Variants in CDH2 observed in about 807,000 individuals in gnomAD.
CDH2 encodes cadherin-2.
In CDH2, 17 loss-of-function variants were observed where a neutral mutation model predicts 92.0. The observed-to-expected ratio is 0.18, with a 90% CI of 0.13 to 0.28. CDH2 has a LOEUF of 0.28. CDH2 is among the 10% of genes least tolerant of loss of function. CDH2 has a pLI of 1.00. For missense variants in CDH2, 862 were observed against 1,133.1 expected, an observed-to-expected ratio of 0.76 and a Z score of 3.44; for synonymous variants, 419 against 415.9, an observed-to-expected ratio of 1.01 and a Z score of -0.09.
At chr18:27,933,415 TG>T (rs1284107049) in intron 6 of CDH2, among the ~76,000 whole-genome samples, 49 of 152,316 alleles carry the variant, frequency 3.2e-4, no homozygotes, top group African/African-American at 1.2e-3. Context: ...AGGTATGTTG[TG>T]AAATAATTGT....
intron 1 of CDH2, among the ~76,000 whole-genome samples, chr18:28,160,902 C>A (rs2016296996): frequency 6.6e-6 from 1 of 152,176 alleles, no homozygotes; most frequent in Non-Finnish European, 1.5e-5. Context: ...AGAAAGCTGG[C>A]ATCTGAGATA....
chr18:28,011,102 A>C (rs924829069), intron 4 of CDH2, among the ~76,000 whole-genome samples: 4 of 151,920 alleles, frequency 2.6e-5, no homozygotes, highest in Non-Finnish European at 4.4e-5. Flanking sequence ...GCTTATTTTA[A>C]AAAAAAGGCT....
chr18:28,045,982 C>T (rs1054456531), intron 2 of CDH2, among the ~76,000 whole-genome samples: 3 of 152,188 alleles, frequency 2.0e-5, no homozygotes, highest in African/African-American at 7.2e-5. Context: ...AGTAACTGTT[C>T]ATCTTTATGA....
rs570116567 is a variant in CDH2 at position 27,972,871 on chromosome 18, C to T, written c.2350-9350G>A. Among the ~76,000 whole-genome samples, 19 of 152,216 alleles carry T rather than the reference C, an allele frequency of 1.2e-4. 1 individual carries two copies. The highest frequency in any genetic ancestry group is 1.9e-4 in the East Asian group (1 of 5,184). On this transcript the variant is annotated intron_variant, in intron 14 of 15. Transcript: ENST00000269141. ...GTAGACTGGGAATGCTGTGGGGGCA[C>T]AGAGCAGAGAAACTTGATTTAGCCT...
In CDH2 at chr18:28,000,251, C is replaced by T. The variant is rs145041234; in HGVS notation, c.1020+2746G>A. Among the ~76,000 whole-genome samples the T allele has an allele frequency of 7.2e-5, 11 of 152,192 alleles. No homozygotes were observed. In the East Asian group the frequency reaches 1.7e-3, roughly 24 times the overall value. ...CCAAGTGGCTGGGACTACAGGTGCA[C>T]ACCACCATGCCAGCTAATTTTTGTA... On this transcript the variant is annotated intron_variant, in intron 7 of 15. Transcript: ENST00000269141.
intron 2 of CDH2, among the ~76,000 whole-genome samples, chr18:28,046,634 T>C (rs1403036077): frequency 6.6e-6 from 1 of 152,212 alleles, no homozygotes; most frequent in African/African-American, 2.4e-5. Flanking sequence ...AAGTCTTCTA[T>C]GAAATTTTGT....
chr18:28,108,929 A>G (rs2015366319), intron 2 of CDH2, among the ~76,000 whole-genome samples: 1 of 152,168 alleles, frequency 6.6e-6, no homozygotes, highest in Admixed American at 6.6e-5. Context: ...GCAGAATCAT[A>G]AAACTCAAGT....
intron 2 of CDH2, among the ~76,000 whole-genome samples, chr18:28,087,794 A>AAAAACAAAACAAAACAAAAC (rs146337361): frequency 6.6e-6 from 1 of 151,376 alleles, no homozygotes; most frequent in African/African-American, 2.4e-5. Context: ...AATGAAAATA[A>AAAAACAAAACAAAACAAAAC]AAAACAAAAC....
chr18:28,131,979 G>A (rs2015779272), intron 2 of CDH2, among the ~76,000 whole-genome samples: 1 of 152,150 alleles, frequency 6.6e-6, no homozygotes, highest in African/African-American at 2.4e-5. Context: ...GCTAGGCATT[G>A]GGAATACCGG....
intron 2 of CDH2, among the ~76,000 whole-genome samples, chr18:28,111,764 C>T (rs1037347950): frequency 5.9e-5 from 9 of 152,098 alleles, no homozygotes; most frequent in Admixed American, 5.2e-4. Context: ...TAATATGCAA[C>T]AGGGAAAGAT....
intron 15 of CDH2, among the ~76,000 whole-genome samples, chr18:27,960,739 A>G (rs1346892103): frequency 6.6e-6 from 1 of 152,230 alleles, no homozygotes; most frequent in African/African-American, 2.4e-5. Context: ...TGGTTTCACA[A>G]TGAGACATTT....
At chr18:27,942,079 G>A (rs1161584038) in intron 6 of CDH2, among the ~76,000 whole-genome samples, 1 of 152,140 alleles carries the variant, frequency 6.6e-6, no homozygotes, top group East Asian at 1.9e-4. Context: ...CTGGAATGCA[G>A]AAAACTTAGA....
intron 14 of CDH2, among the ~76,000 whole-genome samples, chr18:27,981,302 T>C (rs534697563): frequency 6.5e-4 from 99 of 152,294 alleles, no homozygotes; most frequent in African/African-American, 2.1e-3. Context: ...ATCTTGAAAA[T>C]AGCCTAGGAA....
downstream of CDH2, among the ~76,000 whole-genome samples, chr18:27,949,675 G>A (rs1909362337): frequency 1.3e-5 from 2 of 151,970 alleles, no homozygotes; most frequent in South Asian, 4.2e-4. Flanking sequence ...ATGCTTTTTG[G>A]AAGGACTAGA....
intron 7 of CDH2, among the ~76,000 whole-genome samples, chr18:27,999,978 C>T (rs1199676790): frequency 4.6e-5 from 7 of 152,104 alleles, no homozygotes; most frequent in Non-Finnish European, 1.0e-4. Context: ...TCTCCTTCCG[C>T]CCTGTGAAGA....
At chr18:27,960,019 A>AACACAC (rs5823570) in intron 15 of CDH2, among the ~76,000 whole-genome samples, 22,033 of 149,506 alleles carry the variant, frequency 0.15, 1,781 homozygotes, top group East Asian at 0.3. Context: ...TGTCTCTTAA[A>AACACAC]ACACACACAC....
At chr18:28,171,289 T>C (rs982661415) in intron 1 of CDH2, among the ~76,000 whole-genome samples, 1 of 151,364 alleles carries the variant, frequency 6.6e-6, no homozygotes, top group African/African-American at 2.4e-5. Context: ...TTTTTAATGC[T>C]GACCCACTTA....
intron 2 of CDH2, among the ~76,000 whole-genome samples, chr18:28,019,873 G>A (rs2013360542): frequency 6.6e-6 from 1 of 152,050 alleles, no homozygotes; most frequent in Admixed American, 6.6e-5. Flanking sequence ...AATCAGTTGG[G>A]TCAATATCTT....
intron 4 of CDH2, among the ~76,000 whole-genome samples, chr18:28,010,140 A>G (rs2144029590): frequency 6.6e-6 from 1 of 152,330 alleles, no homozygotes; most frequent in South Asian, 2.1e-4. Flanking sequence ...TTCCAAATCT[A>G]CAAGTGAGAG....
Sources: allele counts gnomAD v4.1 joint callset (sites outside exome capture counted in the v4.1 genomes callset), GRCh38; gene constraint gnomAD v4.1.1; transcripts MANE v1.5; gene names NCBI Gene and HGNC (gene_info 2026-07-23, HGNC 2026-07-21).